ZNF469: variants seen among roughly 807,000 people sequenced by gnomAD.
The protein encoded by ZNF469 is zinc finger protein 469.
In ZNF469, 1 loss-of-function variant was observed where a neutral mutation model predicts 1.0. The ratio of observed to expected loss-of-function variants is 1.00; its 90% CI spans 0.35 to 4.73. The LOEUF (loss-of-function observed/expected upper bound fraction) is 4.73, where lower values mean the gene tolerates loss of function less well. Ranked by LOEUF, ZNF469 falls within the 30% of genes most tolerant of loss-of-function variation. The pLI is 0.16. For missense variants in ZNF469, 6,100 were observed against 5,356.3 expected, an observed-to-expected ratio of 1.14 and a Z score of -4.33; for synonymous variants, 2,703 against 2,363.4, an observed-to-expected ratio of 1.14 and a Z score of -4.17.
At chr16:88,317,583 G>C in the ZNF469 span, among the ~76,000 whole-genome samples, 2 of 152,204 alleles carry the variant, frequency 1.3e-5, no homozygotes, top group African/African-American at 2.4e-5. Context: ...TCGTGCTGAG[G>C]CTTGGGTGTT....
At chr16:88,210,297 A>G in the ZNF469 span, among the ~76,000 whole-genome samples, 1 of 151,552 alleles carries the variant, frequency 6.6e-6, no homozygotes, top group Non-Finnish European at 1.5e-5. Flanking sequence ...TATTTCCCCT[A>G]TATTTGATGT....
the ZNF469 span, among the ~76,000 whole-genome samples, chr16:88,137,637 A>T: frequency 3.6e-4 from 55 of 152,198 alleles, no homozygotes; most frequent in African/African-American, 1.3e-3. Flanking sequence ...GTGTGTGCAC[A>T]GCTATGTATG....
chr16:88,108,153 G>A, the ZNF469 span, among the ~76,000 whole-genome samples: 4,866 of 108,768 alleles, frequency 0.045, 203 homozygotes, highest in East Asian at 0.35. Context: ...GTGGGGATGG[G>A]GGTCCACGTC....
In ZNF469 at chr16:88,427,982, C is replaced by T; in HGVS notation, c.512C>T (p.Ala171Val). Residue 171 changes from alanine (A) to valine (V), a missense_variant, in exon 3 of 3, where the codon GCC (alanine) becomes GTC (valine). Ala to Val is a moderately conservative substitution (Grantham distance 64). Coordinates refer to ENST00000565624, the MANE Select transcript of ZNF469 (RefSeq NM_001367624.2). The part of the protein sequence containing the change: ...PLRPGLPRTE[A>V]QPAAEELGFH... ...AGGCCGGGCCTCCCAAGGACTGAGG[C>T]CCAACCCGCCGCCGAAGAGCTTGGC... The T allele has an allele frequency of 6.5e-7, 1 of 1,549,980 alleles. No homozygotes were observed. The highest frequency in any genetic ancestry group is 1.4e-5 in the African/African-American group (1 of 73,136).
chr16:88,156,381 C>T, the ZNF469 span, among the ~76,000 whole-genome samples: 94 of 152,288 alleles, frequency 6.2e-4, no homozygotes, highest in African/African-American at 2.2e-3. Flanking sequence ...TACATTTACC[C>T]TTGATCTACT....
the ZNF469 span, among the ~76,000 whole-genome samples, chr16:88,310,806 T>C: frequency 6.6e-6 from 1 of 152,112 alleles, no homozygotes; most frequent in African/African-American, 2.4e-5. Flanking sequence ...TGCTTTTTAT[T>C]TTTAATAGGC....
the ZNF469 span, among the ~76,000 whole-genome samples, chr16:88,229,612 CTGA>C: frequency 1.1e-3 from 17 of 14,992 alleles, no homozygotes; most frequent in Admixed American, 2.8e-3. Context: ...CGCGTGTGTG[CTGA>C]TGTCACGCGT....
intron 1 of ZNF469, among the ~76,000 whole-genome samples, chr16:88,414,417 C>G (rs1438697063): frequency 1.3e-5 from 2 of 152,236 alleles, no homozygotes; most frequent in African/African-American, 2.4e-5. Context: ...TACCTCCACC[C>G]CAAAGAGCCC....
At position 88,429,441 on chromosome 16, in the gene ZNF469, C is replaced by G; in HGVS notation, c.1971C>G (p.Leu657=). The change falls in exon 3 of 3, where the codon CTC becomes CTG. Residue 657 remains leucine, a synonymous_variant. Coordinates refer to ENST00000565624, the MANE Select transcript of ZNF469 (RefSeq NM_001367624.2). The part of the protein sequence containing the change: ...PFPSPEPPHS[L]PTHYQPEPAK... ...CGTCCCCGGAGCCCCCCCACTCCCTCCCCACCCACTACCAGCCAGAGCCAG... is the reference window on the plus strand; with the variant it reads ...CGTCCCCGGAGCCCCCCCACTCCCTGCCCACCCACTACCAGCCAGAGCCAG... 6.7e-7 allele frequency: 1 copy of G among 1,503,426 alleles called. No homozygotes were observed. The highest frequency in any genetic ancestry group is 9.1e-7 in the Non-Finnish European group (1 of 1,104,414). The allele number at this position is 1,503,426 out of a possible 1,614,324, so 93.1% of individuals were successfully genotyped here. A position where few individuals can be genotyped will look rare whatever the true frequency, so the allele number is the denominator to read the frequency against.
the ZNF469 span, among the ~76,000 whole-genome samples, chr16:88,111,043 G>A: frequency 6.6e-6 from 1 of 152,342 alleles, no homozygotes; most frequent in African/African-American, 2.4e-5. Context: ...AGTGTCGAAG[G>A]CCCCTTGCTT....
At chr16:88,406,056 A>C (rs553859965) in intron 1 of ZNF469, among the ~76,000 whole-genome samples, 1 of 152,344 alleles carries the variant, frequency 6.6e-6, no homozygotes, top group East Asian at 1.9e-4. Flanking sequence ...GGAGCCAGGG[A>C]CAACTTTCCA....
At position 88,429,487 on chromosome 16, in the gene ZNF469, G is replaced by A. The variant is rs770623245; in HGVS notation, c.2017G>A (p.Ala673Thr). The A allele has an allele frequency of 8.5e-6, 11 of 1,289,184 alleles. No individual in the cohort carries two copies. Among genetic ancestry groups the A allele is most frequent in the East Asian group, 1.2e-4 (2 of 17,248 alleles). 79.9% of individuals were successfully genotyped at this position (1,289,184 alleles called of 1,614,324 possible). The change falls in exon 3 of 3, where the codon GCA (alanine) becomes ACA (threonine). Residue 673 changes from alanine (A) to threonine (T), a missense_variant. Transcript: ENST00000565624. ...PEPAKAFPFP[A>T]DGLGAEGAFQ... ...GCCAGCCAAGGCCTTCCCTTTTCCCGCAGATGGGCTGGGAGCCGAGGGTGC... is the reference window on the plus strand; with the variant it reads ...GCCAGCCAAGGCCTTCCCTTTTCCCACAGATGGGCTGGGAGCCGAGGGTGC...
chr16:88,196,860 C>T, the ZNF469 span, among the ~76,000 whole-genome samples: 61,657 of 152,114 alleles, frequency 0.41, 13,839 homozygotes, highest in South Asian at 0.55. Flanking sequence ...GTGCACACAC[C>T]TCCATGAGCC....
In ZNF469 at chr16:88,427,411, C is replaced by T; in HGVS notation, c.-60C>T. ...TCGAGGGCTGAGGATGGCCGTCCAGCCCACTCCCCAGGGCCCCCCTCGGAC... is the reference window on the plus strand; with the variant it reads ...TCGAGGGCTGAGGATGGCCGTCCAGTCCACTCCCCAGGGCCCCCCTCGGAC... On this transcript the variant is annotated 5_prime_UTR_variant, in exon 3 of 3. Coordinates refer to ENST00000565624, the MANE Select transcript of ZNF469 (RefSeq NM_001367624.2). 1 of 1,431,120 alleles carries T rather than the reference C, an allele frequency of 7.0e-7. No individual in the cohort carries two copies. The highest frequency in any genetic ancestry group is 1.5e-5 in the South Asian group (1 of 67,966). 88.7% of individuals were successfully genotyped at this position (1,431,120 alleles called of 1,614,324 possible). A position where few individuals can be genotyped will look rare whatever the true frequency, so the allele number is the denominator to read the frequency against.
At chr16:88,330,656 C>T in the ZNF469 span, among the ~76,000 whole-genome samples, 2 of 152,154 alleles carry the variant, frequency 1.3e-5, no homozygotes, top group South Asian at 4.1e-4. Flanking sequence ...CACACCCCTG[C>T]CTCAGTCAGC....
the ZNF469 span, among the ~76,000 whole-genome samples, chr16:88,211,343 G>C: frequency 0.97 from 147,861 of 152,322 alleles, 71,931 homozygotes; most frequent in East Asian, 1. Flanking sequence ...TCGTCTACAA[G>C]GCAGGCATTA....
chr16:88,243,848 A>G, the ZNF469 span, among the ~76,000 whole-genome samples: 4 of 144,578 alleles, frequency 2.8e-5, no homozygotes, highest in East Asian at 8.5e-4. Flanking sequence ...GGATGGGTGC[A>G]TGGATGGATG....
the ZNF469 span, among the ~76,000 whole-genome samples, chr16:88,291,681 G>A: frequency 1.3e-5 from 2 of 152,046 alleles, no homozygotes; most frequent in East Asian, 1.9e-4. Context: ...TGACCTTGAG[G>A]GAGCCCCGTG....
chr16:88,115,568 A>G, the ZNF469 span, among the ~76,000 whole-genome samples: 1 of 151,524 alleles, frequency 6.6e-6, no homozygotes, highest in East Asian at 1.9e-4. Flanking sequence ...GTGGTGTGGA[A>G]AGAGAAAGGT....
Sources: allele counts gnomAD v4.1 joint callset (sites outside exome capture counted in the v4.1 genomes callset), GRCh38; gene constraint gnomAD v4.1.1; transcripts MANE v1.5; gene names NCBI Gene and HGNC (gene_info 2026-07-23, HGNC 2026-07-21).